NEBL: variants seen among roughly 807,000 people sequenced by gnomAD.
NEBL encodes nebulette, also known as LIM and SH3 protein 2.
Under a neutral mutation model 140.2 loss-of-function variants are expected in NEBL, and 122 were observed. That is an observed-to-expected ratio of 0.87 (90% CI 0.75 to 1.01). NEBL has a LOEUF of 1.01. Ranked by LOEUF, NEBL falls within the 50% of genes least tolerant of loss-of-function variation. NEBL has a pLI of 0.00. For missense variants in NEBL, 1,365 were observed against 1,231.3 expected (o/e 1.11, Z -1.62); for synonymous variants, 436 against 398.9 (o/e 1.09, Z -1.11).
At chr10:21,237,907 A>G (rs1300633849) in intron 3 of NEBL, among the ~76,000 whole-genome samples, 1 of 152,118 alleles carries the variant, frequency 6.6e-6, no homozygotes, top group Non-Finnish European at 1.5e-5. Context: ...ACATCCAGCC[A>G]TATCTCCCTG....
At chr10:21,112,513 C>T (rs933744464) in intron 2 of NEBL, among the ~76,000 whole-genome samples, 5 of 150,562 alleles carry the variant, frequency 3.3e-5, no homozygotes, top group African/African-American at 1.2e-4. Context: ...ACCACATGTT[C>T]TCACTCATAG....
Position 21,268,032 on chromosome 10 carries a change from G to GC in NEBL, n.183-16205dup, listed in dbSNP as rs768679615. Among the ~76,000 whole-genome samples the GC allele has an allele frequency of 1.5e-4, 23 of 152,204 alleles. No homozygotes were observed. The East Asian group carries it at 2.1e-3, about 14-fold the overall frequency. ...TGCAACATGAACACCGATGTGTGGC[G>GC]CCCCAACTGCATGCTCATTCATAAA... On this transcript the variant is annotated intron_variant and non_coding_transcript_variant, in intron 1 of 8. Transcript: ENST00000675702.
intron 3 of NEBL, among the ~76,000 whole-genome samples, chr10:20,963,263 CAGCGTTTAATGCCTAACTA>C (rs1256458515): frequency 2.6e-5 from 4 of 152,166 alleles, no homozygotes; most frequent in Non-Finnish European, 4.4e-5. Flanking sequence ...GGCACATTCT[CAGCGTTTAATGCCTAACTA>C]AGCAGGCAAG....
At chr10:20,966,447 T>C (rs935771994) in intron 3 of NEBL, among the ~76,000 whole-genome samples, 1 of 152,212 alleles carries the variant, frequency 6.6e-6, no homozygotes, top group Non-Finnish European at 1.5e-5. Flanking sequence ...ATAAATAACA[T>C]GTGAAAATAC....
At chr10:20,868,584 C>G in intron 7 of NEBL, 80 bp downstream of exon 7, 4 of 976,482 alleles carry the variant, frequency 4.1e-6, no homozygotes, top group Non-Finnish European at 6.7e-6. Flanking sequence ...AAGATATTAT[C>G]TAAAATGCAA....
intron 9 of NEBL, among the ~76,000 whole-genome samples, chr10:20,855,889 T>C (rs1843029391): frequency 6.6e-6 from 1 of 152,228 alleles, no homozygotes. Flanking sequence ...AGAATATCTC[T>C]TATTGAGCAA....
chr10:21,218,727 A>C (rs1328593298), intron 3 of NEBL, among the ~76,000 whole-genome samples: 2 of 152,212 alleles, frequency 1.3e-5, no homozygotes. Flanking sequence ...ACAGAAAAGA[A>C]GGAGAACCCA....
intron 11 of NEBL, chr10:20,845,639 C>T (rs552176965): frequency 2.8e-4 from 97 of 347,666 alleles, no homozygotes; most frequent in African/African-American, 1.8e-3. Context: ...TAATATCAGC[C>T]CATTTTTTGG....
chr10:20,887,912 C>T (rs1204846488), intron 4 of NEBL, among the ~76,000 whole-genome samples, 185 bp downstream of exon 4: 1 of 152,136 alleles, frequency 6.6e-6, no homozygotes, highest in Non-Finnish European at 1.5e-5. Flanking sequence ...TGACATAAAC[C>T]TGCGTGTCCT....
At chr10:20,800,819 A>C (rs1339208613) in intron 26 of NEBL, among the ~76,000 whole-genome samples, 1 of 152,096 alleles carries the variant, frequency 6.6e-6, no homozygotes, top group African/African-American at 2.4e-5. Flanking sequence ...GTAAAAATCT[A>C]AACAACGCAA....
rs952259115 is a variant in NEBL, at chr10:21,202,973, C to T, written n.349-30496G>A. Among the ~76,000 whole-genome samples, 8 of 152,246 alleles carry T rather than the reference C, an allele frequency of 5.3e-5. No homozygotes were observed. In the East Asian group the frequency reaches 1.4e-3, roughly 26 times the overall value. Reference sequence around the variant, plus strand: ...CAGAAAATTCCTGACAGACTAGGAACGGCATGTTAGAGTTAGCAAGTTTGG... The same window carrying T: ...CAGAAAATTCCTGACAGACTAGGAATGGCATGTTAGAGTTAGCAAGTTTGG... On this transcript the variant is annotated intron_variant and non_coding_transcript_variant, in intron 3 of 8. Transcript: ENST00000675702.
intron 4 of NEBL, among the ~76,000 whole-genome samples, chr10:20,918,451 G>C (rs1051572457): frequency 1.3e-5 from 2 of 152,170 alleles, no homozygotes; most frequent in African/African-American, 2.4e-5. Context: ...ATCAGTAGTA[G>C]TGAAATAATA....
At chr10:21,028,254 A>AAG (rs1554819370) in intron 2 of NEBL, among the ~76,000 whole-genome samples, 2 of 70,348 alleles carry the variant, frequency 2.8e-5, no homozygotes, top group East Asian at 6.9e-4. Context: ...AAAAAAAAAA[A>AAG]AAGAAGAAGA....
At chr10:21,119,255 T>C (rs1838415064) in intron 2 of NEBL, among the ~76,000 whole-genome samples, 1 of 152,120 alleles carries the variant, frequency 6.6e-6, no homozygotes, top group Admixed American at 6.6e-5. Context: ...AAGTTCTTTC[T>C]TCCTAACTTT....
At chr10:21,113,392 G>T in intron 2 of NEBL, 2 of 421,274 alleles carry the variant, frequency 4.7e-6, no homozygotes, top group African/African-American at 2.2e-5. Context: ...AGAAAAAGGT[G>T]GTTCTCTTCC....
intron 4 of NEBL, among the ~76,000 whole-genome samples, chr10:20,919,201 T>G (rs1276407997): frequency 6.6e-6 from 1 of 152,180 alleles, no homozygotes; most frequent in Non-Finnish European, 1.5e-5. Context: ...GAGATTAGTC[T>G]CTCATGATTT....
At chr10:21,245,527 TTTG>T (rs111870394) in intron 3 of NEBL, among the ~76,000 whole-genome samples, 65 of 151,936 alleles carry the variant, frequency 4.3e-4, no homozygotes, top group African/African-American at 1.4e-3. Context: ...TCTGTTTGGG[TTTG>T]TTGTTGTTGT....
chr10:21,281,792 C>T (rs553760031), intron 1 of NEBL, among the ~76,000 whole-genome samples: 1 of 152,300 alleles, frequency 6.6e-6, no homozygotes. Context: ...AGGATAATTT[C>T]ACTGCCCTAA....
intron 1 of NEBL, among the ~76,000 whole-genome samples, chr10:21,285,061 T>C (rs1843038592): frequency 1.3e-5 from 2 of 152,200 alleles, no homozygotes; most frequent in South Asian, 2.1e-4. Context: ...ATCCCACCTC[T>C]ATAAAATAAG....
Sources: gnomAD v4.1 joint callset for allele counts (sites outside exome capture counted in the v4.1 genomes callset) on GRCh38, gnomAD v4.1.1 for gene constraint, MANE v1.5 for transcripts, NCBI Gene and HGNC (gene_info 2026-07-23, HGNC 2026-07-21) for gene names.